OTOF: variants seen among roughly 807,000 people sequenced by gnomAD.
The protein encoded by OTOF is otoferlin, also known as fer-1-like family member 2.
In OTOF, 218 loss-of-function variants were observed where a neutral mutation model predicts 236.8. That is an observed-to-expected ratio of 0.92 (90% CI 0.82 to 1.03). The LOEUF is 1.03. Among genes scored for constraint, OTOF ranks in the 50% least tolerant of loss-of-function variants. OTOF has a pLI of 0.00. For missense variants in OTOF, 2,590 were observed against 2,694.4 expected, an observed-to-expected ratio of 0.96 and a Z score of 0.86; for synonymous variants, 1,041 against 1,072.5, an observed-to-expected ratio of 0.97 and a Z score of 0.57.
rs774452184 is a variant in OTOF at position 26,473,183 on chromosome 2, G to A, written c.3682C>T (p.Arg1228Cys). 68 of 1,612,918 alleles carry A rather than the reference G, an allele frequency of 4.2e-5. 2 individuals carry two copies. The South Asian group carries it at 5.2e-4, about 12-fold the overall frequency. Residue 1228 changes from arginine (R) to cysteine (C), a missense_variant, in exon 29 of 47, where the codon CGC becomes TGC. Physicochemically the swap from Arg to Cys is radical, Grantham distance 180. Around this residue, in one of 2 missense-constraint regions of OTOF, gnomAD observed 1,211 missense variants for 1,352.8 expected, o/e 0.90. Transcript: ENST00000272371. The surrounding 1 kb of genome is among the most constrained non-coding windows in gnomAD (Gnocchi z 7.2). ...VGSHAVSSLRRFIYRPPDRSA... is the reference protein window; with the variant it reads ...VGSHAVSSLRCFIYRPPDRSA... Reference sequence around the variant, plus strand: ...CGGTCTGGGGGCCGGTAGATGAAGCGTCGCAGGGAGCTGACGGCATGGGAG... The same window carrying A: ...CGGTCTGGGGGCCGGTAGATGAAGCATCGCAGGGAGCTGACGGCATGGGAG...
Position 26,473,688 on chromosome 2 carries a change from G to C in OTOF, c.3409-121C>G. On this transcript the variant is annotated intron_variant, in intron 27 of 46. Transcript: ENST00000272371. The surrounding 1 kb of genome is among the most constrained non-coding windows in gnomAD (Gnocchi z 7.2). Reference sequence around the variant, plus strand: ...GTGGGATGGGCAGTAGTTCACCCCAGATTTCAAAGGGTGGGAGCAGGGCCA... The same window carrying C: ...GTGGGATGGGCAGTAGTTCACCCCACATTTCAAAGGGTGGGAGCAGGGCCA... 1 of 1,059,896 alleles carries C rather than the reference G, an allele frequency of 9.4e-7. No individual in the cohort carries two copies. 65.7% of individuals were successfully genotyped at this position (1,059,896 alleles called of 1,614,324 possible). A position where few individuals can be genotyped will look rare whatever the true frequency, so the allele number is the denominator to read the frequency against.
chr2:26,483,783 G>A lies in OTOF; in HGVS notation c.1206-135C>T, dbSNP rs1665629481. On this transcript the variant is annotated intron_variant, in intron 12 of 46. Coordinates refer to ENST00000272371, the MANE Select transcript of OTOF (RefSeq NM_194248.3). ...GGAGCAAGGCTAGGATTAGACACTT[G>A]TGTTCACGGAACTTGCCCCTTGTGG... 4 of 750,466 alleles carry A rather than the reference G, an allele frequency of 5.3e-6. No individual in the cohort carries two copies. In the East Asian group the frequency reaches 8.1e-5, roughly 15 times the overall value. The allele number at this position is 750,466 out of a possible 1,614,324, so 46.5% of individuals were successfully genotyped here. A position where few individuals can be genotyped will look rare whatever the true frequency, so the allele number is the denominator to read the frequency against.
intron 37 of OTOF, 46 bp downstream of exon 37, chr2:26,465,903 T>C: frequency 1.2e-6 from 2 of 1,614,082 alleles, no homozygotes; most frequent in Non-Finnish European, 1.7e-6. Flanking sequence ...GTGTTCTGGG[T>C]TGGAGAAGTA....
intron 8 of OTOF, among the ~76,000 whole-genome samples, chr2:26,498,437 G>A (rs1384236450): frequency 2.6e-5 from 4 of 152,326 alleles, no homozygotes; most frequent in South Asian, 4.1e-4. Context: ...TGGGGCTCTA[G>A]GAAGGGGAAA....
chr2:26,514,966 C>T (rs571925438), intron 5 of OTOF, among the ~76,000 whole-genome samples: 1 of 152,388 alleles, frequency 6.6e-6, no homozygotes, highest in South Asian at 2.1e-4. Flanking sequence ...CCCGTCTGAG[C>T]ACTGCTCCTC....
At chr2:26,497,089 C>CTTTTTT (rs201349303) in intron 8 of OTOF, among the ~76,000 whole-genome samples, 34 of 97,758 alleles carry the variant, frequency 3.5e-4, no homozygotes, top group Non-Finnish European at 4.9e-4. Context: ...GTACATTCTT[C>CTTTTTT]TTTTTTTTTT....
At position 26,474,730 on chromosome 2, in the gene OTOF, C is replaced by T; in HGVS notation, c.3127-56G>A. The T allele has an allele frequency of 4.4e-6, 7 of 1,591,072 alleles. No individual in the cohort carries two copies. In the South Asian group the frequency reaches 7.7e-5, roughly 18 times the overall value. On this transcript the variant is annotated intron_variant, in intron 25 of 46. Transcript: ENST00000272371. The stretch of plus-strand genomic sequence containing the variant: ...GGTGCTTGCTGTCCACACCTGTGAT[C>T]TCGTTTGGTCCTTACCACAGCGCCA...
At chr2:26,468,927 A>T (rs1664857054) in intron 32 of OTOF, among the ~76,000 whole-genome samples, 1 of 152,184 alleles carries the variant, frequency 6.6e-6, no homozygotes, top group Admixed American at 6.5e-5. Context: ...GGGGAGGGAT[A>T]GCATTAGGAG....
chr2:26,465,961 G>C lies in OTOF; in HGVS notation c.4616C>G (p.Pro1539Arg), dbSNP rs1190510903. Residue 1539 changes from proline (P) to arginine (R), a missense_variant, in exon 37 of 47, where the codon CCT becomes CGT. Transcript: ENST00000272371. ...KENYISKQLN[P>R]VFGKSFDIEA... ...CAAGAAGCCTTACTTCCCAAAGACA[G>C]GGTTGAGCTGCTTGGAGATGTAGTT... 2 of 1,614,278 alleles carry C rather than the reference G, an allele frequency of 1.2e-6. No homozygotes were observed. Among genetic ancestry groups the C allele is most frequent in the African/African-American group, 1.3e-5 (1 of 75,080 alleles).
intron 1 of OTOF, among the ~76,000 whole-genome samples, chr2:26,540,362 G>A (rs952570948): frequency 2.3e-4 from 35 of 152,208 alleles, no homozygotes; most frequent in Admixed American, 9.2e-4. Flanking sequence ...TGGGTGGAGC[G>A]GACTGTGCTC....
At position 26,461,772 on chromosome 2, in the gene OTOF, C is replaced by G. The variant is rs1040433739; in HGVS notation, c.5457G>C (p.Glu1819Asp). 1.2e-6 allele frequency: 2 copies of G among 1,614,066 alleles called. No individual in the cohort carries two copies. The highest frequency in any genetic ancestry group is 1.7e-6 in the Non-Finnish European group (2 of 1,180,040). The stretch of plus-strand genomic sequence containing the variant: ...GCCGCGCGGGGATCTTGTACTCGGT[C>G]TCGTCCCAGGAGAACATGGACTCCT... ...SKKESMFSWD[E>D]TEYKIPARLT... is the part of the protein sequence containing the mutation. Residue 1819 changes from glutamate to aspartate, a missense_variant, in exon 43 of 47, where the codon GAG (glutamate) becomes GAC (aspartate). Coordinates refer to ENST00000272371, the MANE Select transcript of OTOF (RefSeq NM_194248.3). The surrounding 1 kb of genome is among the most constrained non-coding windows in gnomAD (Gnocchi z 6.2).
intron 4 of OTOF, among the ~76,000 whole-genome samples, chr2:26,518,172 C>T (rs79258844): frequency 0.062 from 9,492 of 152,252 alleles, 325 homozygotes; most frequent in African/African-American, 0.074. Flanking sequence ...CACTGGGGGA[C>T]CATGGCACAG....
Position 26,457,943 on chromosome 2 carries a change from GGGCTCCTCA to G in OTOF, c.*286_*294del. Reference sequence around the variant, plus strand: ...GCCCAAGGCATGAAGAGTGGACGCTGGGCTCCTCAGGCTCCCCAGGGGAGATGGGAAAGA... The same window carrying G: ...GCCCAAGGCATGAAGAGTGGACGCTGGGCTCCCCAGGGGAGATGGGAAAGA... On this transcript the variant is annotated 3_prime_UTR_variant, in exon 47 of 47. Coordinates refer to ENST00000272371, the MANE Select transcript of OTOF (RefSeq NM_194248.3). This position sits in a 1 kb window ranked among gnomAD's most constrained non-coding sequence, Gnocchi z 4.4. The G allele has an allele frequency of 8.0e-7, 1 of 1,257,602 alleles. No individual in the cohort carries two copies. The highest frequency in any genetic ancestry group is 1.1e-6 in the Non-Finnish European group (1 of 891,694). 77.9% of individuals were successfully genotyped at this position (1,257,602 alleles called of 1,614,324 possible).
chr2:26,557,935 G>C (rs866339185), intron 1 of OTOF, among the ~76,000 whole-genome samples: 1 of 151,956 alleles, frequency 6.6e-6, no homozygotes, highest in Non-Finnish European at 1.5e-5. Context: ...GAATACAGGA[G>C]TGAAAAGGAT....
chr2:26,513,542 G>C (rs1214277785), intron 5 of OTOF, among the ~76,000 whole-genome samples: 1 of 152,218 alleles, frequency 6.6e-6, no homozygotes, highest in Non-Finnish European at 1.5e-5. Flanking sequence ...CCATCAGCCA[G>C]GGAGCGGCTG....
intron 14 of OTOF, among the ~76,000 whole-genome samples, chr2:26,481,912 A>C (rs1281882477): frequency 6.6e-6 from 1 of 152,132 alleles, no homozygotes; most frequent in Non-Finnish European, 1.5e-5. Context: ...CTCAATACAC[A>C]GTGAGCACTT....
chr2:26,464,393 T>A (rs1664629838), intron 39 of OTOF, among the ~76,000 whole-genome samples: 1 of 151,694 alleles, frequency 6.6e-6, no homozygotes, highest in South Asian at 2.1e-4. Context: ...AGAATCCACT[T>A]CCTGTCCCAG....
At chr2:26,546,354 G>A (rs576645922) in intron 1 of OTOF, among the ~76,000 whole-genome samples, 11 of 152,104 alleles carry the variant, frequency 7.2e-5, no homozygotes, top group African/African-American at 1.4e-4. Context: ...CCAGCTACTC[G>A]GGAGGCTGAG....
rs1236052168 is a variant in OTOF, at chr2:26,558,668, C to A, written c.-97G>T. ...ACGCCTCTCTCTTCTCTGCCGCTGC[C>A]TCCTCCTCCTCCTCCCGACCCCCCT... On this transcript the variant is annotated 5_prime_UTR_variant, in exon 1 of 47. In the 5' UTR this introduces an upstream ATG that the reference lacks. Transcript: ENST00000272371. 5 of 890,580 alleles carry A rather than the reference C, an allele frequency of 5.6e-6. No individual in the cohort carries two copies. The highest frequency in any genetic ancestry group is 8.9e-6 in the Non-Finnish European group (5 of 562,596). The allele number at this position is 890,580 out of a possible 1,614,324, so 55.2% of individuals were successfully genotyped here. A position where few individuals can be genotyped will look rare whatever the true frequency, so the allele number is the denominator to read the frequency against.
Sources: allele counts gnomAD v4.1 joint callset (sites outside exome capture counted in the v4.1 genomes callset), GRCh38; gene constraint gnomAD v4.1.1; regional missense constraint gnomAD v4.1.1; non-coding constraint Gnocchi (gnomAD v3.1); transcripts MANE v1.5; gene names NCBI Gene and HGNC (gene_info 2026-07-23, HGNC 2026-07-21).